The following IQUB variants were observed in gnomAD, a reference collection of about 807,000 sequenced individuals.
The protein encoded by IQUB is IQ motif and ubiquitin-like domain-containing protein.
Under a neutral mutation model 86.4 loss-of-function variants are expected in IQUB, and 86 were observed. The ratio of observed to expected loss-of-function variants is 1.00; its 90% CI spans 0.84 to 1.19. The LOEUF (loss-of-function observed/expected upper bound fraction) is 1.19. Ranked by LOEUF, IQUB falls within the 50% of genes most tolerant of loss-of-function variation. The probability of loss-of-function intolerance (pLI) is 0.00; values close to 1 mark genes in which losing one functional copy is unlikely to be tolerated. For missense variants in IQUB, 946 were observed against 916.9 expected (o/e 1.03, Z -0.41); for synonymous variants, 289 against 304.5 (o/e 0.95, Z 0.53).
chr7:123,503,395 T>C, intron 3 of IQUB, 32 bp from the exon 4 acceptor site: 4 of 1,236,132 alleles, frequency 3.2e-6, no homozygotes, highest in Non-Finnish European at 4.5e-6. Context: ...TTAAAAGTTT[T>C]ATGACAAAGA....
chr7:123,480,002 T>G, intron 7 of IQUB, 32 bp from the exon 8 acceptor site: 1 of 1,533,898 alleles, frequency 6.5e-7, no homozygotes. Context: ...CTCTTGAGTT[T>G]TTAAAAATCC....
At chr7:123,456,833 G>A (rs1031392883) in intron 12 of IQUB, 2 of 152,064 alleles carry the variant, frequency 1.3e-5, no homozygotes, top group Non-Finnish European at 2.9e-5. Context: ...CCAGCAAGTT[G>A]GAAGCAAATG....
intron 1 of IQUB, among the ~76,000 whole-genome samples, chr7:123,526,574 T>C (rs997696809): frequency 2.6e-5 from 4 of 151,644 alleles, no homozygotes; most frequent in African/African-American, 9.7e-5. Flanking sequence ...CATCCTTTTA[T>C]TTTGAGCCTA....
intron 1 of IQUB, among the ~76,000 whole-genome samples, chr7:123,529,271 A>G (rs963623636): frequency 6.6e-6 from 1 of 151,952 alleles, no homozygotes; most frequent in African/African-American, 2.4e-5. Flanking sequence ...TGATCATATC[A>G]ATGTCTTTCA....
chr7:123,477,063 T>C (rs186131190), intron 8 of IQUB, among the ~76,000 whole-genome samples: 2 of 152,312 alleles, frequency 1.3e-5, no homozygotes, highest in African/African-American at 4.8e-5. Flanking sequence ...CCAATGACTT[T>C]CTTCACAGAA....
At chr7:123,462,018 C>T (rs575060772) in intron 10 of IQUB, among the ~76,000 whole-genome samples, 14 of 151,584 alleles carry the variant, frequency 9.2e-5, no homozygotes, top group Non-Finnish European at 1.5e-4. Context: ...TTGTTCTTCT[C>T]GTTTAATTTA....
chr7:123,517,526 A>G (rs577627298), intron 1 of IQUB, among the ~76,000 whole-genome samples: 3 of 100,586 alleles, frequency 3.0e-5, no homozygotes, highest in East Asian at 2.9e-4. Context: ...GCGAGACTCC[A>G]TCTCAAAAAA....
chr7:123,455,622 G>A (rs1252710398), intron 12 of IQUB, among the ~76,000 whole-genome samples: 2 of 152,080 alleles, frequency 1.3e-5, no homozygotes, highest in Non-Finnish European at 2.9e-5. Flanking sequence ...AGAAAGCTGG[G>A]TCATTGAGAC....
At chr7:123,522,703 AAATACTTTTATTATTATACTTT>A (rs1308396503) in intron 1 of IQUB, among the ~76,000 whole-genome samples, 1 of 152,022 alleles carries the variant, frequency 6.6e-6, no homozygotes, top group African/African-American at 2.4e-5. Context: ...TAGGAGAAAA[AAATACTTTTATTATTATACTTT>A]AAGTTTTAGG....
intron 3 of IQUB, among the ~76,000 whole-genome samples, chr7:123,509,075 A>T (rs911411071): frequency 6.6e-6 from 1 of 152,192 alleles, no homozygotes; most frequent in African/African-American, 2.4e-5. Context: ...AGATTTTTTT[A>T]AATAATTTGG....
chr7:123,528,171 GGCTCGC>G, intron 1 of IQUB, among the ~76,000 whole-genome samples: 1 of 152,066 alleles, frequency 6.6e-6, no homozygotes, highest in South Asian at 2.1e-4. Flanking sequence ...GCCCTGCTTC[GGCTCGC>G]GCACGGTGCA....
chr7:123,464,122 A>T (rs1471228763), intron 10 of IQUB, among the ~76,000 whole-genome samples: 1 of 151,850 alleles, frequency 6.6e-6, no homozygotes, highest in Non-Finnish European at 1.5e-5. Context: ...TTAACTGAAT[A>T]TAATCATTGA....
intron 1 of IQUB, among the ~76,000 whole-genome samples, chr7:123,517,530 CAAAAAAA>C (rs374712007): frequency 3.6e-4 from 8 of 22,446 alleles, no homozygotes; most frequent in Admixed American, 6.8e-4. Flanking sequence ...GACTCCATCT[CAAAAAAA>C]AAAAAAAAAA....
chr7:123,502,600 C>A lies in IQUB; in HGVS notation c.1020G>T (p.Lys340Asn), dbSNP rs764925202. The change falls in exon 6 of 13, where the codon AAG becomes AAT. Residue 340 changes from lysine (K) to asparagine (N), a missense_variant. Transcript: ENST00000324698. ...SAAEYHAQRLKAVIVIQTYYR... is the reference protein window; with the variant it reads ...SAAEYHAQRLNAVIVIQTYYR... ...TCCACAATAAAAGTTATCTCACCGC[C>A]TTTAGTCTTTGAGCATGGTATTCTG... The A allele has an allele frequency of 2.7e-5, 43 of 1,609,868 alleles. No individual in the cohort carries two copies. The highest frequency in any genetic ancestry group is 3.6e-5 in the Non-Finnish European group (42 of 1,178,940).
intron 8 of IQUB, among the ~76,000 whole-genome samples, chr7:123,475,373 CTTT>C (rs35957699): frequency 2.6e-4 from 24 of 92,926 alleles, no homozygotes; most frequent in African/African-American, 5.6e-4. Context: ...CTCCATTTCA[CTTT>C]TTTTTTTTTT....
chr7:123,488,337 T>C lies in IQUB; in HGVS notation c.1234+8359A>G, dbSNP rs538928747. ...GCCTGGGTGACAGAGCAAGACTCTG[T>C]CTCAAAAAAAAGAAAAAAAAAAAAA... On this transcript the variant is annotated intron_variant, in intron 7 of 12. Transcript: ENST00000324698. Among the ~76,000 whole-genome samples the C allele has an allele frequency of 1.2e-3, 154 of 133,460 alleles. 7 individuals are homozygous for C. The South Asian group carries it at 0.036, about 31-fold the overall frequency. 87.6% of individuals were successfully genotyped at this position (133,460 alleles called of 152,430 possible).
chr7:123,518,144 T>C (rs1488986898), intron 1 of IQUB, among the ~76,000 whole-genome samples: 1 of 84,484 alleles, frequency 1.2e-5, no homozygotes, highest in Non-Finnish European at 2.7e-5. Flanking sequence ...CATCCTTTTA[T>C]TTTTTTTTTC....
chr7:123,480,236 T>C (rs1186581712), intron 7 of IQUB, among the ~76,000 whole-genome samples: 1 of 152,094 alleles, frequency 6.6e-6, no homozygotes, highest in Non-Finnish European at 1.5e-5. Context: ...TCATACTGCC[T>C]AGCATTGACA....
In IQUB at chr7:123,512,038, CATTGCAT is replaced by C; in HGVS notation, c.296_302del (p.Tyr99CysfsTer15). The C allele has an allele frequency of 6.2e-7, 1 of 1,613,606 alleles. No homozygotes were observed. Among genetic ancestry groups the C allele is most frequent in the Non-Finnish European group, 8.5e-7 (1 of 1,179,534 alleles). ...CCAAACTATCATCATTTGGCCTCTG[CATTGCAT>C]ATTGCTTTTCATGATGTTGCGGAGT... On this transcript the variant is annotated frameshift_variant, in exon 2 of 13. Transcript: ENST00000324698. LOFTEE classifies it high-confidence loss of function.
Sources: allele counts gnomAD v4.1 joint callset (sites outside exome capture counted in the v4.1 genomes callset), GRCh38; gene constraint gnomAD v4.1.1; transcripts MANE v1.5; gene names NCBI Gene and HGNC (gene_info 2026-07-23, HGNC 2026-07-21).